The following SRD5A2 variants were observed in gnomAD, a reference collection of about 807,000 sequenced individuals.
SRD5A2 encodes the protein steroid 5 alpha-reductase 2, also known as 3-oxo-5-alpha-steroid 4-dehydrogenase 2.
In SRD5A2, 30 loss-of-function variants were observed where a neutral mutation model predicts 27.4. The observed-to-expected ratio is 1.10, with a 90% confidence interval of 0.82 to 1.49. SRD5A2 has a LOEUF of 1.49. Ranked by LOEUF, SRD5A2 falls within the 40% of genes most tolerant of loss-of-function variation. The pLI is 0.00. For missense variants in SRD5A2, 348 were observed against 323.4 expected (o/e 1.08, Z -0.58); for synonymous variants, 141 against 133.6 (o/e 1.06, Z -0.38).
At chr2:31,546,664 G>T (rs1051043041) in intron 1 of SRD5A2, among the ~76,000 whole-genome samples, 4 of 152,096 alleles carry the variant, frequency 2.6e-5, no homozygotes, top group Non-Finnish European at 5.9e-5. Context: ...GGGGGCTAAG[G>T]GCTGAAAAAC....
the SRD5A2 span, among the ~76,000 whole-genome samples, chr2:31,649,623 T>C: frequency 6.6e-6 from 1 of 152,128 alleles, no homozygotes; most frequent in East Asian, 1.9e-4. Context: ...TGCATTTCTT[T>C]AAATCAGTTT....
chr2:31,538,394 C>T (rs1666067428), intron 1 of SRD5A2, among the ~76,000 whole-genome samples: 1 of 152,146 alleles, frequency 6.6e-6, no homozygotes, highest in African/African-American at 2.4e-5. Context: ...TTTTCAGAAT[C>T]TGGCCACATC....
chr2:31,582,119 C>G (rs1376774440), upstream of SRD5A2, among the ~76,000 whole-genome samples: 1 of 152,136 alleles, frequency 6.6e-6, no homozygotes, highest in Non-Finnish European at 1.5e-5. Flanking sequence ...TTACTTTATC[C>G]CTGTTTTCTC....
chr2:31,578,502 A>C (rs1313377018), intron 1 of SRD5A2, among the ~76,000 whole-genome samples: 2 of 152,184 alleles, frequency 1.3e-5, no homozygotes, highest in Non-Finnish European at 2.9e-5. Flanking sequence ...AGGATGAGTA[A>C]ATTATTTACT....
At chr2:31,604,000 T>C in the SRD5A2 span, among the ~76,000 whole-genome samples, 4 of 151,866 alleles carry the variant, frequency 2.6e-5, no homozygotes, top group Non-Finnish European at 4.4e-5. Flanking sequence ...ATGACACACA[T>C]TTATCTATGT....
the SRD5A2 span, among the ~76,000 whole-genome samples, chr2:31,591,043 A>G: frequency 6.6e-6 from 1 of 152,266 alleles, no homozygotes; most frequent in African/African-American, 2.4e-5. Context: ...CTTCATGTCT[A>G]AAACACCAAA....
At chr2:31,544,136 T>C (rs1329063271) in intron 1 of SRD5A2, among the ~76,000 whole-genome samples, 2 of 152,070 alleles carry the variant, frequency 1.3e-5, no homozygotes, top group African/African-American at 2.4e-5. Flanking sequence ...AGCAAGAAGA[T>C]AGAAGACTTA....
chr2:31,652,087 A>G, the SRD5A2 span, among the ~76,000 whole-genome samples: 1 of 152,156 alleles, frequency 6.6e-6, no homozygotes, highest in Non-Finnish European at 1.5e-5. Context: ...GCCCCCCAGT[A>G]GCTGGGACTA....
chr2:31,661,858 T>C, the SRD5A2 span, among the ~76,000 whole-genome samples: 1 of 152,130 alleles, frequency 6.6e-6, no homozygotes, highest in South Asian at 2.1e-4. Context: ...ACCATTTTTT[T>C]TCTCTATGTA....
At chr2:31,547,229 TGATGGTTGATTTTG>T (rs1666281020) in intron 1 of SRD5A2, among the ~76,000 whole-genome samples, 1 of 152,222 alleles carries the variant, frequency 6.6e-6, no homozygotes, top group Non-Finnish European at 1.5e-5. Flanking sequence ...AAGGGTGCTA[TGATGGTTGATTTTG>T]GATGTGACCT....
chr2:31,646,163 G>C, the SRD5A2 span, among the ~76,000 whole-genome samples: 2 of 151,838 alleles, frequency 1.3e-5, no homozygotes, highest in Non-Finnish European at 2.9e-5. Flanking sequence ...AGGTGTGTGC[G>C]TGCACACACA....
the SRD5A2 span, among the ~76,000 whole-genome samples, chr2:31,653,295 C>G: frequency 1.3e-5 from 2 of 152,114 alleles, no homozygotes; most frequent in African/African-American, 4.8e-5. Context: ...TCTTGAGGTA[C>G]AAGTACCAGC....
At chr2:31,641,871 C>T in the SRD5A2 span, among the ~76,000 whole-genome samples, 1 of 151,864 alleles carries the variant, frequency 6.6e-6, no homozygotes, top group Non-Finnish European at 1.5e-5. Context: ...CAGTCAAAAT[C>T]TCAACAGGAT....
chr2:31,589,955 GGCTGCATGAGA>G, the SRD5A2 span, among the ~76,000 whole-genome samples: 4 of 152,082 alleles, frequency 2.6e-5, no homozygotes, highest in Non-Finnish European at 4.4e-5. Context: ...TGGCCTTGCT[GGCTGCATGAGA>G]GCTGAGTGAG....
chr2:31,590,465 G>T, the SRD5A2 span, among the ~76,000 whole-genome samples: 2 of 152,092 alleles, frequency 1.3e-5, no homozygotes, highest in African/African-American at 4.8e-5. Context: ...CACTCATGAT[G>T]GGTAGGAAGA....
the SRD5A2 span, among the ~76,000 whole-genome samples, chr2:31,643,330 TAAAG>T: frequency 6.6e-6 from 1 of 152,100 alleles, no homozygotes. Context: ...TTCTCATTGT[TAAAG>T]AAATTACAAA....
rs151077546 is a variant in SRD5A2 at position 31,534,627 on chromosome 2, CAT to C, written c.282-863_282-862del. ...ACACACACATATGCATGCACACACA[CAT>C]GTACAAATGCACACGCACATGCTCA... On this transcript the variant is annotated intron_variant, in intron 1 of 4. Transcript: ENST00000622030. 5.9e-4 allele frequency among the ~76,000 whole-genome samples: 90 copies of C among 152,352 alleles called. 1 individual carries two copies. The highest frequency in any genetic ancestry group is 3.4e-3 in the Middle Eastern group (1 of 294).
At chr2:31,555,033 T>C (rs1434374174) in intron 1 of SRD5A2, among the ~76,000 whole-genome samples, 3 of 151,264 alleles carry the variant, frequency 2.0e-5, no homozygotes, top group African/African-American at 7.3e-5. Context: ...TAAGGTAATG[T>C]GCCCAAGGCC....
chr2:31,642,110 GAGAC>G, the SRD5A2 span, among the ~76,000 whole-genome samples: 1 of 152,100 alleles, frequency 6.6e-6, no homozygotes, highest in African/African-American at 2.4e-5. Context: ...GTGATCAACT[GAGAC>G]AGACAAAGGC....
Sources: gnomAD v4.1 joint callset for allele counts (sites outside exome capture counted in the v4.1 genomes callset) on GRCh38, gnomAD v4.1.1 for gene constraint, MANE v1.5 for transcripts, NCBI Gene and HGNC (gene_info 2026-07-23, HGNC 2026-07-21) for gene names.